Variants in CFAP74 observed in about 807,000 individuals in gnomAD.
The protein encoded by CFAP74 is cilia and flagella associated protein 74.
Under a neutral mutation model 188.9 loss-of-function variants are expected in CFAP74, and 124 were observed. The ratio of observed to expected loss-of-function variants is 0.66; its 90% CI spans 0.57 to 0.76. The LOEUF (loss-of-function observed/expected upper bound fraction) is 0.76. Among genes scored for constraint, CFAP74 ranks in the 30% least tolerant of loss-of-function variants. The pLI is 0.00. For missense variants in CFAP74, 2,198 were observed against 2,165.2 expected, an observed-to-expected ratio of 1.02 and a Z score of -0.30; for synonymous variants, 956 against 916.7, an observed-to-expected ratio of 1.04 and a Z score of -0.77.
At chr1:1,979,965 C>G (rs1656726209) in intron 6 of CFAP74, among the ~76,000 whole-genome samples, 1 of 151,344 alleles carries the variant, frequency 6.6e-6, no homozygotes, top group South Asian at 2.1e-4. Context: ...GCCTGCCTCC[C>G]ACCACCGAAG....
rs367605198 is a variant in CFAP74, at chr1:1,974,137, G to T, written c.562C>A (p.Arg188Ser). 1 of 1,612,552 alleles carries T rather than the reference G, an allele frequency of 6.2e-7. No individual in the cohort carries two copies. ...CGCCCCGTGGCCTCCACCTCCTCAC[G>T]GTCAGCTGTCCGGAAGGCCTCGAGT... ...GRLEAFRTADREEVEATGRRL... is the reference protein window; with the variant it reads ...GRLEAFRTADSEEVEATGRRL... The change falls in exon 7 of 39, where the codon CGT becomes AGT. Residue 188 changes from arginine to serine, a missense_variant. Arg to Ser is a moderately radical substitution (Grantham distance 110). Transcript: ENST00000682832.
intron 38 of CFAP74, 91 bp downstream of exon 38, chr1:1,922,498 C>T (rs1344496240): frequency 1.3e-6 from 2 of 1,555,020 alleles, no homozygotes; most frequent in Non-Finnish European, 1.7e-6. Flanking sequence ...CCTCCACGGC[C>T]ACCTCCTCCC....
intron 14 of CFAP74, among the ~76,000 whole-genome samples, chr1:1,963,183 G>A (rs1655210658): frequency 6.6e-6 from 1 of 152,176 alleles, no homozygotes; most frequent in Non-Finnish European, 1.5e-5. Context: ...AGGTGTGGTG[G>A]CTCATGCCTG....
chr1:1,928,948 G>T, intron 26 of CFAP74, 66 bp from the exon 27 acceptor site: 1 of 1,102,722 alleles, frequency 9.1e-7, no homozygotes, highest in Non-Finnish European at 1.3e-6. Context: ...GCCCCTGCGG[G>T]CACTCTACCG....
At chr1:1,991,459 TGGGTGTGGTG>T (rs1657558698) in intron 1 of CFAP74, among the ~76,000 whole-genome samples, 2 of 152,194 alleles carry the variant, frequency 1.3e-5, no homozygotes, top group South Asian at 4.1e-4. Context: ...CAACATTAGC[TGGGTGTGGTG>T]GCGCATGCCT....
chr1:1,922,144 C>G lies in CFAP74; in HGVS notation c.*143G>C. ...GGGGTCCAGGGCAGCAGGAAGTGGC[C>G]GTGGCGCCATGTGGAGGGCGGCCTA... On this transcript the variant is annotated 3_prime_UTR_variant, in exon 39 of 39. Coordinates refer to ENST00000682832, the MANE Select transcript of CFAP74 (RefSeq NM_001304360.2). 3.2e-6 allele frequency: 2 copies of G among 622,652 alleles called. No homozygotes were observed. Among genetic ancestry groups the G allele is most frequent in the Non-Finnish European group, 5.6e-6 (2 of 358,422 alleles). The allele number at this position is 622,652 out of a possible 1,614,324, so 38.6% of individuals were successfully genotyped here.
chr1:1,966,429 T>C lies in CFAP74; in HGVS notation c.1343A>G (p.Glu448Gly). The stretch of plus-strand genomic sequence containing the variant: ...AGAGATCTCGGGCTCAGCTAACGTT[T>C]CCTCCTCTGAGCTGGCCCCGGGGTC... The part of the protein sequence containing the change: ...QGDPGASSEE[E>G]TLAEPEISGL... Residue 448 changes from glutamate to glycine, a missense_variant, in exon 12 of 39, where the codon GAA becomes GGA. Physicochemically the swap from Glu to Gly is moderately conservative, Grantham distance 98 (BLOSUM62 -2). Coordinates refer to ENST00000682832, the MANE Select transcript of CFAP74 (RefSeq NM_001304360.2). 1.2e-6 allele frequency: 2 copies of C among 1,604,912 alleles called. No homozygotes were observed. Among genetic ancestry groups the C allele is most frequent in the Non-Finnish European group, 1.7e-6 (2 of 1,175,020 alleles).
intron 1 of CFAP74, among the ~76,000 whole-genome samples, chr1:1,992,628 T>C (rs1225517974): frequency 2.0e-5 from 3 of 151,608 alleles, no homozygotes; most frequent in Non-Finnish European, 2.9e-5. Flanking sequence ...CGCCCACCAC[T>C]ACGCCCAGCT....
chr1:1,923,567 G>T lies in CFAP74; in HGVS notation c.4390-68C>A. On this transcript the variant is annotated intron_variant, in intron 35 of 38. Transcript: ENST00000682832. The surrounding 1 kb of genome is among the most constrained non-coding windows in gnomAD (Gnocchi z 6.3). ...GGCAGGGGTCCTGCTGGTGAGAGCT[G>T]GGCTGGCTCAGGGAAGGAAGCAGGG... 6.3e-7 allele frequency: 1 copy of T among 1,577,024 alleles called. No homozygotes were observed. The highest frequency in any genetic ancestry group is 8.6e-7 in the Non-Finnish European group (1 of 1,159,820).
At chr1:1,970,994 ACACACGCACACCTGCACATG>A (rs1044798069) in intron 9 of CFAP74, among the ~76,000 whole-genome samples, 178 bp from the exon 10 acceptor site, 6 of 149,914 alleles carry the variant, frequency 4.0e-5, no homozygotes, top group African/African-American at 1.2e-4. Flanking sequence ...ACGTGCACAC[ACACACGCACACCTGCACATG>A]CACACATCAC....
chr1:1,926,013 T>C lies in CFAP74; in HGVS notation c.3949-75A>G, dbSNP rs941192666. 5 of 1,481,502 alleles carry C rather than the reference T, an allele frequency of 3.4e-6. No individual in the cohort carries two copies. In the East Asian group the frequency reaches 1.2e-4, roughly 37 times the overall value. The allele number at this position is 1,481,502 out of a possible 1,614,324, so 91.8% of individuals were successfully genotyped here. A position where few individuals can be genotyped will look rare whatever the true frequency, so the allele number is the denominator to read the frequency against. On this transcript the variant is annotated intron_variant, in intron 32 of 38. Coordinates refer to ENST00000682832, the MANE Select transcript of CFAP74 (RefSeq NM_001304360.2). ...GAGGGGAGCTCTGCCTCAGGGGCAGTGGGTTCTCAACGCTGGAGTTGAGAC... is the reference window on the plus strand; with the variant it reads ...GAGGGGAGCTCTGCCTCAGGGGCAGCGGGTTCTCAACGCTGGAGTTGAGAC...
At chr1:1,938,063 TACACACCCAAC>T (rs1653034218) in intron 25 of CFAP74, among the ~76,000 whole-genome samples, 1 of 142,022 alleles carries the variant, frequency 7.0e-6, no homozygotes, top group African/African-American at 2.7e-5. Context: ...CACTCAACCT[TACACACCCAAC>T]ACACACGCAC....
chr1:1,924,899 G>A lies in CFAP74; in HGVS notation c.4105-379C>T, dbSNP rs142224601. 1.5e-3 allele frequency among the ~76,000 whole-genome samples: 228 copies of A among 152,334 alleles called. 6 individuals carry two copies. The East Asian group carries it at 0.04, about 27-fold the overall frequency. On this transcript the variant is annotated intron_variant, in intron 33 of 38. Transcript: ENST00000682832. ...CCTTTCTCCATGCAACGCCCGTCTC[G>A]GGCTCTGCCTCCAGGACCCGCCCTG...
intron 12 of CFAP74, among the ~76,000 whole-genome samples, chr1:1,965,950 C>T (rs1655435988): frequency 6.6e-6 from 1 of 152,226 alleles, no homozygotes; most frequent in Non-Finnish European, 1.5e-5. Context: ...CAGAAGGACC[C>T]CAGCGCCAGA....
intron 20 of CFAP74, 54 bp from the exon 21 acceptor site, chr1:1,944,506 T>C: frequency 6.6e-7 from 1 of 1,522,448 alleles, no homozygotes; most frequent in Non-Finnish European, 8.8e-7. Flanking sequence ...ACAGCAGGCA[T>C]TGTTGGTGAG....
chr1:2,003,360 T>C (rs1338909718), intron 1 of CFAP74, among the ~76,000 whole-genome samples: 2 of 152,244 alleles, frequency 1.3e-5, no homozygotes, highest in African/African-American at 4.8e-5. Flanking sequence ...TTTGGGGCTA[T>C]GGACCATGCT....
At position 1,965,111 on chromosome 1, in the gene CFAP74, C is replaced by T. The variant is rs375729757; in HGVS notation, c.1402-50G>A. The T allele has an allele frequency of 9.3e-5, 145 of 1,566,378 alleles. No homozygotes were observed. The African/African-American group carries it at 1.2e-3, about 13-fold the overall frequency. On this transcript the variant is annotated intron_variant, in intron 12 of 38. Transcript: ENST00000682832. ...GGGGCTGTTAGCGGCTCCACCTGGGCGGCGCCGGTGGCAGCTCGGAGGCGA... is the reference window on the plus strand; with the variant it reads ...GGGGCTGTTAGCGGCTCCACCTGGGTGGCGCCGGTGGCAGCTCGGAGGCGA...
intron 1 of CFAP74, among the ~76,000 whole-genome samples, chr1:1,991,613 T>A (rs941907182): frequency 6.8e-6 from 1 of 147,340 alleles, no homozygotes; most frequent in African/African-American, 2.5e-5. Flanking sequence ...AAGAAAAAAA[T>A]GTCAAAAGAT....
Position 1,942,176 on chromosome 1 carries a change from C to A in CFAP74, c.2487-20G>T. On this transcript the variant is annotated intron_variant, in intron 21 of 38. Coordinates refer to ENST00000682832, the MANE Select transcript of CFAP74 (RefSeq NM_001304360.2). This position sits in a 1 kb window ranked among gnomAD's most constrained non-coding sequence, Gnocchi z 4.3. ...TTCGACCTGTGGGCGTGTCGCAGGGCACTGGGTCAGGTGCCACAGTCGTGA... is the reference window on the plus strand; with the variant it reads ...TTCGACCTGTGGGCGTGTCGCAGGGAACTGGGTCAGGTGCCACAGTCGTGA... 1 of 1,486,208 alleles carries A rather than the reference C, an allele frequency of 6.7e-7. No homozygotes were observed. The allele number at this position is 1,486,208 out of a possible 1,614,324, so 92.1% of individuals were successfully genotyped here. A position where few individuals can be genotyped will look rare whatever the true frequency, so the allele number is the denominator to read the frequency against.
Sources: allele counts gnomAD v4.1 joint callset (sites outside exome capture counted in the v4.1 genomes callset), GRCh38; gene constraint gnomAD v4.1.1; non-coding constraint Gnocchi (gnomAD v3.1); transcripts MANE v1.5; gene names NCBI Gene and HGNC (gene_info 2026-07-23, HGNC 2026-07-21).